FMN1: variants seen among roughly 807,000 people sequenced by gnomAD.
The protein encoded by FMN1 is formin 1.
A neutral mutation model predicts 132.4 loss-of-function variants in FMN1; 110 were observed. The observed-to-expected ratio is 0.83, with a 90% CI of 0.71 to 0.97. The LOEUF is 0.97. Ranked by LOEUF, FMN1 falls within the 50% of genes least tolerant of loss-of-function variation. The pLI is 0.00. For synonymous variants in FMN1, 722 were observed against 651.7 expected (o/e 1.11, Z -1.64); for missense variants, 1,792 against 1,705.3 (o/e 1.05, Z -0.90).
intron 17 of FMN1, among the ~76,000 whole-genome samples, chr15:32,851,207 G>A (rs553617235): frequency 6.6e-6 from 1 of 152,174 alleles, no homozygotes; most frequent in East Asian, 1.9e-4. Context: ...GATGCCAAGC[G>A]AAATTAACGG....
At chr15:33,007,048 GT>G in intron 7 of FMN1, among the ~76,000 whole-genome samples, 1 of 26,994 alleles carries the variant, frequency 3.7e-5, no homozygotes, top group African/African-American at 4.9e-5. Flanking sequence ...AAAGAGCAGA[GT>G]TTTCGTGTTC....
intron 12 of FMN1, among the ~76,000 whole-genome samples, chr15:32,905,839 C>T (rs1403208973): frequency 6.6e-6 from 1 of 152,074 alleles, no homozygotes; most frequent in Admixed American, 6.6e-5. Context: ...CAAACAAATG[C>T]TGGTTTGTGC....
rs148720957 is a variant in FMN1, at chr15:33,012,356, G to C, written c.2162-4281C>G. 1.1e-3 allele frequency: 995 copies of C among 875,900 alleles called. 12 individuals carry two copies. In the African/African-American group the frequency reaches 0.015, roughly 13 times the overall value. 54.3% of individuals were successfully genotyped at this position (875,900 alleles called of 1,614,324 possible). A position where few individuals can be genotyped will look rare whatever the true frequency, so the allele number is the denominator to read the frequency against. On this transcript the variant is annotated intron_variant, in intron 6 of 20. Transcript: ENST00000616417. ...CATGAATGCAAGGCCACACAAGGTGGATGAAGAGTTGTGGAACCAAAGAGA... is the reference window on the plus strand; with the variant it reads ...CATGAATGCAAGGCCACACAAGGTGCATGAAGAGTTGTGGAACCAAAGAGA...
chr15:33,124,988 T>C (rs535145215), intron 4 of FMN1, among the ~76,000 whole-genome samples: 145 of 152,298 alleles, frequency 9.5e-4, no homozygotes, highest in Non-Finnish European at 1.4e-3. Flanking sequence ...AATGAAGTTA[T>C]ATTCCTGGAA....
At chr15:33,004,044 C>T (rs1167425483) in intron 7 of FMN1, among the ~76,000 whole-genome samples, 1 of 151,940 alleles carries the variant, frequency 6.6e-6, no homozygotes, top group Non-Finnish European at 1.5e-5. Context: ...AAAATTAATT[C>T]AAAATGGATT....
chr15:33,167,360 G>C (rs1004791391), intron 3 of FMN1, among the ~76,000 whole-genome samples: 2 of 152,186 alleles, frequency 1.3e-5, no homozygotes, highest in South Asian at 4.1e-4. Context: ...CCTTCACCAT[G>C]ATTGTGAAGC....
rs575846955 is a variant in FMN1 at position 33,176,035 on chromosome 15, G to A, written c.-132+4163C>T. 2.6e-5 allele frequency among the ~76,000 whole-genome samples: 4 copies of A among 152,258 alleles called. No individual in the cohort carries two copies. The East Asian group carries it at 5.8e-4, about 22-fold the overall frequency. On this transcript the variant is annotated intron_variant, in intron 3 of 20. Transcript: ENST00000616417. ...TGAAGAAAGTTTGAGAGAAATAGTC[G>A]GTTAGAGGGCCCCAAAGCAAATGGT...
chr15:33,031,749 A>C (rs345875), intron 6 of FMN1, among the ~76,000 whole-genome samples: 55,696 of 152,004 alleles, frequency 0.37, 10,717 homozygotes, highest in Admixed American at 0.47. Flanking sequence ...CAGGCTCATG[A>C]AATTCACATA....
chr15:32,960,665 A>G (rs1424540678), intron 9 of FMN1, among the ~76,000 whole-genome samples: 1 of 152,112 alleles, frequency 6.6e-6, no homozygotes, highest in Non-Finnish European at 1.5e-5. Context: ...ACATTACTTG[A>G]GAAATGAACT....
chr15:32,824,294 C>T (rs1188244923), intron 17 of FMN1, among the ~76,000 whole-genome samples: 3 of 152,250 alleles, frequency 2.0e-5, no homozygotes, highest in African/African-American at 7.2e-5. Context: ...CACTGGTTTT[C>T]AGAGGCTCAG....
chr15:32,937,010 T>C (rs1300940816), intron 9 of FMN1, among the ~76,000 whole-genome samples: 1 of 152,142 alleles, frequency 6.6e-6, no homozygotes, highest in Non-Finnish European at 1.5e-5. Context: ...GAAATCAGTC[T>C]CTTGGGCGGC....
intron 12 of FMN1, among the ~76,000 whole-genome samples, chr15:32,904,960 G>C (rs1351395686): frequency 6.6e-6 from 1 of 152,074 alleles, no homozygotes; most frequent in Non-Finnish European, 1.5e-5. Flanking sequence ...TTGGACACTG[G>C]GCCTTGGTAC....
chr15:33,107,303 T>C (rs1042332392), intron 4 of FMN1, among the ~76,000 whole-genome samples: 2 of 152,008 alleles, frequency 1.3e-5, no homozygotes, highest in African/African-American at 2.4e-5. Flanking sequence ...CAGCTCTTCT[T>C]CCTTCTTCCA....
intron 17 of FMN1, among the ~76,000 whole-genome samples, chr15:32,835,024 G>A (rs1231925966): frequency 1.3e-5 from 2 of 152,204 alleles, no homozygotes; most frequent in Admixed American, 1.3e-4. Flanking sequence ...CATCACCTTT[G>A]TTAGAGTTTG....
In FMN1 at chr15:32,969,087, G is replaced by A. The variant is rs77531455; in HGVS notation, c.2614C>T (p.Pro872Ser). Residue 872 changes from proline to serine, a missense_variant, in exon 8 of 21, where the codon CCC becomes TCC. Coordinates refer to ENST00000616417, the MANE Select transcript of FMN1 (RefSeq NM_001277313.2). ...SNQQKALPPPPASIPPPPPLP... is the reference protein window; with the variant it reads ...SNQQKALPPPSASIPPPPPLP... ...GGCGGAGGGGGAGGGATGGATGCGGGAGGCGGAGGCAATGCCTTCTGCTGA... is the reference window on the plus strand; with the variant it reads ...GGCGGAGGGGGAGGGATGGATGCGGAAGGCGGAGGCAATGCCTTCTGCTGA... 4,564 of 1,605,450 alleles carry A rather than the reference G, an allele frequency of 2.8e-3. 113 individuals are homozygous for A. In the East Asian group the frequency reaches 0.046, roughly 16 times the overall value.
rs533950689 is a variant in FMN1, at chr15:32,772,755, T to C, written c.*1555A>G. On this transcript the variant is annotated 3_prime_UTR_variant, in exon 21 of 21. Coordinates refer to ENST00000616417, the MANE Select transcript of FMN1 (RefSeq NM_001277313.2). Reference sequence around the variant, plus strand: ...TGACTGCAGTCTTCATTCTCGAAGCTGACATTAGATTAGGATATGGTGCTG... The same window carrying C: ...TGACTGCAGTCTTCATTCTCGAAGCCGACATTAGATTAGGATATGGTGCTG... 1 of 152,358 alleles carries C rather than the reference T, an allele frequency of 6.6e-6. No homozygotes were observed. Among genetic ancestry groups the C allele is most frequent in the Non-Finnish European group, 1.5e-5 (1 of 68,058 alleles). The allele number at this position is 152,358 out of a possible 1,614,324, so 9.4% of individuals were successfully genotyped here. A position where few individuals can be genotyped will look rare whatever the true frequency, so the allele number is the denominator to read the frequency against.
At chr15:32,966,062 T>C (rs1426272767) in intron 8 of FMN1, among the ~76,000 whole-genome samples, 13 of 152,134 alleles carry the variant, frequency 8.5e-5, no homozygotes, top group Admixed American at 7.9e-4. Context: ...TAAGGGCCAC[T>C]GGTCTGGGCC....
At chr15:33,013,520 T>C (rs1053825417) in intron 6 of FMN1, among the ~76,000 whole-genome samples, 6 of 152,214 alleles carry the variant, frequency 3.9e-5, no homozygotes, top group Non-Finnish European at 2.9e-5. Context: ...AGATGTTATA[T>C]GGGTGTTAAA....
At chr15:32,983,611 T>C (rs2032853826) in intron 7 of FMN1, among the ~76,000 whole-genome samples, 1 of 152,178 alleles carries the variant, frequency 6.6e-6, no homozygotes, top group Non-Finnish European at 1.5e-5. Flanking sequence ...ACTAATATAA[T>C]GTTACATAAA....
Sources: gnomAD v4.1 joint callset for allele counts (sites outside exome capture counted in the v4.1 genomes callset) on GRCh38, gnomAD v4.1.1 for gene constraint, MANE v1.5 for transcripts, NCBI Gene and HGNC (gene_info 2026-07-23, HGNC 2026-07-21) for gene names.